The following MACROD2 variants were observed in gnomAD, a reference collection of about 807,000 sequenced individuals.
MACROD2 encodes ADP-ribose glycohydrolase MACROD2.
MACROD2 carries 36 observed loss-of-function variants against 70.4 expected under a neutral mutation model. That is an observed-to-expected ratio of 0.51 (90% CI 0.39 to 0.68). MACROD2 has a LOEUF of 0.68. Ranked by LOEUF, MACROD2 falls within the 30% of genes least tolerant of loss-of-function variation. MACROD2 has a pLI of 0.00. For missense variants in MACROD2, 496 were observed against 538.4 expected, an observed-to-expected ratio of 0.92 and a Z score of 0.78; for synonymous variants, 172 against 178.8, an observed-to-expected ratio of 0.96 and a Z score of 0.30.
At chr20:15,194,537 T>C (rs1309633357) in intron 5 of MACROD2, among the ~76,000 whole-genome samples, 1 of 152,122 alleles carries the variant, frequency 6.6e-6, no homozygotes, top group East Asian at 1.9e-4. Context: ...GAAATCTATC[T>C]TTACCATGTT....
rs140819250 is a variant in MACROD2, at chr20:15,114,640, G to T, written c.419-115300G>T. The stretch of plus-strand genomic sequence containing the variant: ...GCCATGCCCAGACTTCTGATCCATG[G>T]AAACCAAGACATACAAAATGTATTT... On this transcript the variant is annotated intron_variant, in intron 5 of 17. Coordinates refer to ENST00000684519, the MANE Select transcript of MACROD2 (RefSeq NM_001351661.2). Among the ~76,000 whole-genome samples the T allele has an allele frequency of 6.6e-5, 10 of 152,278 alleles. No individual in the cohort carries two copies. In the East Asian group the frequency reaches 1.9e-3, roughly 29 times the overall value.
chr20:15,669,768 C>G (rs1295330252), intron 8 of MACROD2, among the ~76,000 whole-genome samples: 1 of 152,146 alleles, frequency 6.6e-6, no homozygotes, highest in Non-Finnish European at 1.5e-5. Context: ...TTTCCCCAAC[C>G]AGGAAGACCT....
chr20:15,647,530 A>T (rs2049566647), intron 8 of MACROD2, among the ~76,000 whole-genome samples: 1 of 152,212 alleles, frequency 6.6e-6, no homozygotes, highest in South Asian at 2.1e-4. Flanking sequence ...GTTTGTCTTT[A>T]TATTTCTCTT....
intron 8 of MACROD2, among the ~76,000 whole-genome samples, chr20:15,588,117 C>A (rs2048627697): frequency 6.6e-6 from 1 of 152,180 alleles, no homozygotes. Context: ...GGCAGAGGTT[C>A]CCAAACCTCA....
At chr20:14,124,717 C>T (rs966546299) in intron 3 of MACROD2, among the ~76,000 whole-genome samples, 1 of 152,048 alleles carries the variant, frequency 6.6e-6, no homozygotes, top group African/African-American at 2.4e-5. Context: ...ATGGTGGAGC[C>T]ACTGTAGAAA....
chr20:14,199,859 G>T (rs1037904244), intron 3 of MACROD2, among the ~76,000 whole-genome samples: 1 of 152,072 alleles, frequency 6.6e-6, no homozygotes, highest in Non-Finnish European at 1.5e-5. Context: ...GAAGGTAAGT[G>T]GACTGTTGAA....
chr20:16,001,144 A>G (rs2066703281), intron 15 of MACROD2, among the ~76,000 whole-genome samples: 1 of 152,288 alleles, frequency 6.6e-6, no homozygotes, highest in African/African-American at 2.4e-5. Context: ...AGGAAACTCA[A>G]TTTCTTTTCA....
chr20:15,205,607 T>C (rs937900930), intron 5 of MACROD2, among the ~76,000 whole-genome samples: 1 of 136,912 alleles, frequency 7.3e-6, no homozygotes, highest in African/African-American at 2.5e-5. Flanking sequence ...TACAGGTCTG[T>C]TGGAAGTCTG....
chr20:15,258,721 T>C (rs2077222085), intron 6 of MACROD2, among the ~76,000 whole-genome samples: 2 of 152,060 alleles, frequency 1.3e-5, no homozygotes, highest in Admixed American at 6.6e-5. Context: ...TACTGCCAAA[T>C]AGTACTTTTG....
intron 3 of MACROD2, chr20:14,324,244 A>C (rs1348845007): frequency 2.6e-5 from 4 of 152,502 alleles, no homozygotes; most frequent in Non-Finnish European, 5.9e-5. Context: ...ATCAAGGCAC[A>C]TACAAGACTG....
chr20:14,199,716 A>C (rs950872283), intron 3 of MACROD2, among the ~76,000 whole-genome samples: 8 of 152,216 alleles, frequency 5.3e-5, no homozygotes, highest in African/African-American at 1.7e-4. Context: ...ACTGCATATA[A>C]TTTTACAGTA....
intron 3 of MACROD2, among the ~76,000 whole-genome samples, chr20:14,485,085 C>G (rs2084706719): frequency 6.6e-6 from 1 of 151,984 alleles, no homozygotes; most frequent in East Asian, 1.9e-4. Flanking sequence ...TTTACATTCC[C>G]ACCAACAGTA....
intron 6 of MACROD2, among the ~76,000 whole-genome samples, chr20:15,337,657 A>G (rs554706839): frequency 6.6e-6 from 1 of 151,838 alleles, no homozygotes; most frequent in South Asian, 2.1e-4. Flanking sequence ...AGAATACAAC[A>G]TATTGTTAGT....
chr20:14,933,497 T>A (rs1283203290), intron 5 of MACROD2, among the ~76,000 whole-genome samples: 1 of 151,860 alleles, frequency 6.6e-6, no homozygotes, highest in African/African-American at 2.4e-5. Flanking sequence ...CTGGGCAACA[T>A]AGAGAGAACT....
intron 8 of MACROD2, among the ~76,000 whole-genome samples, chr20:15,636,098 A>G (rs947976169): frequency 7.2e-6 from 1 of 138,514 alleles, no homozygotes; most frequent in African/African-American, 2.8e-5. Flanking sequence ...AAAAAGAAAG[A>G]AAAGAAAAGA....
intron 5 of MACROD2, among the ~76,000 whole-genome samples, chr20:14,820,839 T>A (rs2072835941): frequency 6.6e-6 from 1 of 152,060 alleles, no homozygotes; most frequent in East Asian, 1.9e-4. Context: ...TAAGCTGCCG[T>A]GACTCTCTGT....
chr20:14,868,214 T>A (rs454821), intron 5 of MACROD2, among the ~76,000 whole-genome samples: 37,373 of 150,276 alleles, frequency 0.25, 5,401 homozygotes, highest in Non-Finnish European at 0.33. Flanking sequence ...AAGAGACAAG[T>A]TCTCTCTTTA....
intron 6 of MACROD2, among the ~76,000 whole-genome samples, chr20:15,243,410 T>C (rs768984740): frequency 2.0e-5 from 3 of 152,188 alleles, no homozygotes; most frequent in Non-Finnish European, 4.4e-5. Flanking sequence ...GAGTATTCTG[T>C]ATTTACTGGT....
chr20:15,759,568 A>G (rs1286804988), intron 8 of MACROD2, among the ~76,000 whole-genome samples: 1 of 152,140 alleles, frequency 6.6e-6, no homozygotes, highest in African/African-American at 2.4e-5. Context: ...ACTTGTACCT[A>G]TTTCCCAAAT....
Sources: allele counts gnomAD v4.1 joint callset (sites outside exome capture counted in the v4.1 genomes callset), GRCh38; gene constraint gnomAD v4.1.1; transcripts MANE v1.5; gene names NCBI Gene and HGNC (gene_info 2026-07-23, HGNC 2026-07-21).